Variants in AGPAT5 observed in about 807,000 individuals in gnomAD.
AGPAT5 encodes 1-acylglycerol-3-phosphate O-acyltransferase 5.
AGPAT5 carries 46 observed loss-of-function variants against 45.6 expected under a neutral mutation model. The observed-to-expected ratio is 1.01, with a 90% CI of 0.80 to 1.29. The LOEUF is 1.29. AGPAT5 is among the 50% of genes most tolerant of loss of function. AGPAT5 has a pLI of 0.00. For synonymous variants in AGPAT5, 272 were observed against 167.0 expected, an observed-to-expected ratio of 1.63 and a Z score of -4.85; for missense variants, 673 against 450.7, an observed-to-expected ratio of 1.49 and a Z score of -4.47.
chr8:6,757,186 C>A lies in AGPAT5; in HGVS notation c.893C>A (p.Ser298Ter). Residue 298 changes from serine to a stop codon, truncating the protein, a stop_gained, in exon 8 of 8, where the codon TCA (serine) becomes TAA (stop). Coordinates refer to ENST00000285518, the MANE Select transcript of AGPAT5 (RefSeq NM_018361.5). LOFTEE classifies it high-confidence loss of function. ...KDKMLIEFYE[S>*]PDPERRKRFP... ...AGGATGCTTATAGAATTTTATGAGT[C>A]ACCAGATCCAGAAAGAAGAAAAAGA... The A allele has an allele frequency of 1.9e-6, 3 of 1,613,694 alleles. No homozygotes were observed. In the South Asian group the frequency reaches 3.3e-5, roughly 18 times the overall value.
At chr8:6,727,804 A>G (rs1800737362) in intron 2 of AGPAT5, among the ~76,000 whole-genome samples, 1 of 152,200 alleles carries the variant, frequency 6.6e-6, no homozygotes, top group South Asian at 2.1e-4. Context: ...GGAGTTAGAG[A>G]GACCCAGGTT....
rs367932714 is a variant in AGPAT5, at chr8:6,708,878, C to A, written c.210C>A (p.Thr70=). The A allele has an allele frequency of 6.2e-7, 1 of 1,604,784 alleles. No individual in the cohort carries two copies. The highest frequency in any genetic ancestry group is 8.5e-7 in the Non-Finnish European group (1 of 1,176,374). ...TGCTCTTCTTCTTCGAGAATTACAC[C>A]GGGGTCCAGGTGAGCCGCCTCCCGC... is the stretch of plus-strand genomic sequence containing the variant. ...SMVLFFFENY[T]GVQILLYGDL... Residue 70 remains threonine, a synonymous_variant, in exon 1 of 8, where the codon ACC becomes ACA. Coordinates refer to ENST00000285518, the MANE Select transcript of AGPAT5 (RefSeq NM_018361.5).
intron 1 of AGPAT5, among the ~76,000 whole-genome samples, chr8:6,715,152 A>C (rs1478715277): frequency 6.6e-6 from 1 of 152,242 alleles, no homozygotes; most frequent in Non-Finnish European, 1.5e-5. Flanking sequence ...TATGGAGGTC[A>C]CATTCTAGTG....
intron 4 of AGPAT5, among the ~76,000 whole-genome samples, chr8:6,739,965 A>G (rs2116923263): frequency 6.6e-6 from 1 of 152,216 alleles, no homozygotes; most frequent in African/African-American, 2.4e-5. Context: ...ATGATATGTA[A>G]CGACATGTTT....
rs1801934082 is a variant in AGPAT5, at chr8:6,758,881, C to T, written c.*1493C>T. 6.6e-6 allele frequency: 1 copy of T among 152,460 alleles called. No homozygotes were observed. The highest frequency in any genetic ancestry group is 1.5e-5 in the Non-Finnish European group (1 of 68,010). 9.4% of individuals were successfully genotyped at this position (152,460 alleles called of 1,614,324 possible). Reference sequence around the variant, plus strand: ...TTTGCTGCAGAAATATATCAGTGGCCCACATTAAACATACCAGTTGGATCA... The same window carrying T: ...TTTGCTGCAGAAATATATCAGTGGCTCACATTAAACATACCAGTTGGATCA... On this transcript the variant is annotated 3_prime_UTR_variant, in exon 8 of 8. Coordinates refer to ENST00000285518, the MANE Select transcript of AGPAT5 (RefSeq NM_018361.5).
intron 1 of AGPAT5, among the ~76,000 whole-genome samples, chr8:6,712,783 C>T (rs1027437290): frequency 2.0e-5 from 3 of 152,194 alleles, no homozygotes; most frequent in African/African-American, 7.2e-5. Context: ...GCTGCATAAA[C>T]AATAACTGTA....
rs549917185 is a variant in AGPAT5 at position 6,746,481 on chromosome 8, T to C, written c.587-1189T>C. 3.9e-5 allele frequency among the ~76,000 whole-genome samples: 6 copies of C among 152,348 alleles called. No individual in the cohort carries two copies. In the East Asian group the frequency reaches 1.2e-3, roughly 29 times the overall value. On this transcript the variant is annotated intron_variant, in intron 5 of 7. Coordinates refer to ENST00000285518, the MANE Select transcript of AGPAT5 (RefSeq NM_018361.5). Reference sequence around the variant, plus strand: ...TTTTAGTGAACACCACAGAGTGATATTTTGAAACTTTGGACTTCATAAAGT... The same window carrying C: ...TTTTAGTGAACACCACAGAGTGATACTTTGAAACTTTGGACTTCATAAAGT...
intron 5 of AGPAT5, among the ~76,000 whole-genome samples, chr8:6,744,053 T>C (rs1469403555): frequency 6.6e-6 from 1 of 152,078 alleles, no homozygotes; most frequent in Non-Finnish European, 1.5e-5. Context: ...GTCTCAAACA[T>C]CATATGAACA....
chr8:6,747,944 C>T (rs1801531566), intron 6 of AGPAT5, 116 bp downstream of exon 6: 1 of 1,041,166 alleles, frequency 9.6e-7, no homozygotes, highest in South Asian at 2.0e-5. Flanking sequence ...ATTACATTTA[C>T]CCGGTATATT....
At chr8:6,741,325 G>A in intron 4 of AGPAT5, among the ~76,000 whole-genome samples, 1 of 152,052 alleles carries the variant, frequency 6.6e-6, no homozygotes, top group East Asian at 1.9e-4. Context: ...ATCTGAAAGG[G>A]CAAAAACTCA....
intron 6 of AGPAT5, among the ~76,000 whole-genome samples, chr8:6,754,277 G>A (rs1801753298): frequency 6.6e-6 from 1 of 152,054 alleles, no homozygotes; most frequent in Admixed American, 6.5e-5. Context: ...TTTCAAATAA[G>A]CAAGTCTTAG....
At chr8:6,736,061 C>G (rs1374447243) in intron 4 of AGPAT5, among the ~76,000 whole-genome samples, 1 of 152,034 alleles carries the variant, frequency 6.6e-6, no homozygotes, top group African/African-American at 2.4e-5. Context: ...ACCATGTTGG[C>G]CAGGCTGGTC....
At chr8:6,711,664 C>CGT in intron 1 of AGPAT5, among the ~76,000 whole-genome samples, 1 of 152,310 alleles carries the variant, frequency 6.6e-6, no homozygotes, top group Non-Finnish European at 1.5e-5. Flanking sequence ...CTTAAGTTCT[C>CGT]GTGATTCTGG....
At position 6,724,859 on chromosome 8, in the gene AGPAT5, T is replaced by G. The variant is rs761149394; in HGVS notation, c.220-11T>G. On this transcript the variant is annotated splice_polypyrimidine_tract_variant and intron_variant, in intron 1 of 7. Coordinates refer to ENST00000285518, the MANE Select transcript of AGPAT5 (RefSeq NM_018361.5). ...AATATCAAAGTAATGTTTTTTTGTTTTATCTTTTAGATATTGCTATATGGA... is the reference window on the plus strand; with the variant it reads ...AATATCAAAGTAATGTTTTTTTGTTGTATCTTTTAGATATTGCTATATGGA... 1 of 917,126 alleles carries G rather than the reference T, an allele frequency of 1.1e-6. No homozygotes were observed. The highest frequency in any genetic ancestry group is 3.4e-5 in the Admixed American group (1 of 29,668). The allele number at this position is 917,126 out of a possible 1,614,324, so 56.8% of individuals were successfully genotyped here.
intron 6 of AGPAT5, among the ~76,000 whole-genome samples, chr8:6,753,275 C>G (rs146674162): frequency 1.3e-5 from 2 of 152,158 alleles, no homozygotes; most frequent in Non-Finnish European, 1.5e-5. Context: ...TTCTGACATT[C>G]GAAATGCAGT....
chr8:6,754,068 G>A lies in AGPAT5; in HGVS notation c.746-983G>A, dbSNP rs185120650. On this transcript the variant is annotated intron_variant, in intron 6 of 7. Transcript: ENST00000285518. ...GGCCAAAGGTCTCAGCCTCCCACTC[G>A]GCATACCTCCCTACCTTAGTCAGCT... Among the ~76,000 whole-genome samples, 538 of 152,196 alleles carry A rather than the reference G, an allele frequency of 3.5e-3. 5 individuals carry two copies. Among genetic ancestry groups the A allele is most frequent in the Non-Finnish European group, 2.6e-3 (174 of 68,026 alleles).
intron 1 of AGPAT5, among the ~76,000 whole-genome samples, chr8:6,721,912 C>G (rs891228438): frequency 1.3e-5 from 2 of 151,962 alleles, no homozygotes; most frequent in African/African-American, 4.8e-5. Context: ...GGGCTGGACT[C>G]AAACTCCTGA....
At position 6,760,971 on chromosome 8, in the gene AGPAT5, G is replaced by A. The variant is rs997076527; in HGVS notation, c.*3583G>A. ...CAGTTTAGAGTAGCTACAACTCTTC[G>A]ATACTATCATCAATATTTGACATCT... On this transcript the variant is annotated 3_prime_UTR_variant, in exon 8 of 8. Coordinates refer to ENST00000285518, the MANE Select transcript of AGPAT5 (RefSeq NM_018361.5). Among the ~76,000 whole-genome samples the A allele has an allele frequency of 2.6e-5, 4 of 152,192 alleles. No homozygotes were observed. Among genetic ancestry groups the A allele is most frequent in the Middle Eastern group, 6.8e-3 (2 of 294 alleles).
In AGPAT5 at chr8:6,757,425, T is replaced by C. The variant is rs761982955; in HGVS notation, c.*37T>C. 1.1e-5 allele frequency: 17 copies of C among 1,545,708 alleles called. No homozygotes were observed. Among genetic ancestry groups the C allele is most frequent in the Non-Finnish European group, 1.5e-5 (17 of 1,121,130 alleles). On this transcript the variant is annotated 3_prime_UTR_variant, in exon 8 of 8. Coordinates refer to ENST00000285518, the MANE Select transcript of AGPAT5 (RefSeq NM_018361.5). Reference sequence around the variant, plus strand: ...TCTCCAGACAGTGGGATGTGCTACATTGTCTATTTTTGGCGGCTGCACATG... The same window carrying C: ...TCTCCAGACAGTGGGATGTGCTACACTGTCTATTTTTGGCGGCTGCACATG...
Sources: gnomAD v4.1 joint callset for allele counts (sites outside exome capture counted in the v4.1 genomes callset) on GRCh38, gnomAD v4.1.1 for gene constraint, MANE v1.5 for transcripts, NCBI Gene and HGNC (gene_info 2026-07-23, HGNC 2026-07-21) for gene names.